Variants in SLIRP observed in about 807,000 individuals in gnomAD.
The protein encoded by SLIRP is SRA stem-loop interacting RNA binding protein.
A neutral mutation model predicts 13.4 loss-of-function variants in SLIRP; 12 were observed. That is an observed-to-expected ratio of 0.89 (90% CI 0.57 to 1.45). SLIRP has a LOEUF of 1.45. Ranked by LOEUF, SLIRP falls within the 40% of genes most tolerant of loss-of-function variation. SLIRP has a pLI of 0.00. For missense variants in SLIRP, 154 were observed against 132.2 expected, an observed-to-expected ratio of 1.17 and a Z score of -0.81; for synonymous variants, 55 against 47.1, an observed-to-expected ratio of 1.17 and a Z score of -0.69.
At chr14:77,716,930 T>G (rs776629827) in intron 3 of SLIRP, among the ~76,000 whole-genome samples, 8 of 151,794 alleles carry the variant, frequency 5.3e-5, no homozygotes, top group Non-Finnish European at 8.8e-5. Flanking sequence ...CACTGCTAAT[T>G]TTTTTTGTAT....
Position 77,715,852 on chromosome 14 carries a change from G to A in SLIRP, c.237G>A (p.Gln79=). The A allele has an allele frequency of 2.5e-6, 4 of 1,613,856 alleles. No individual in the cohort carries two copies. The highest frequency in any genetic ancestry group is 2.2e-5 in the East Asian group (1 of 44,860). Residue 79 remains glutamine (Q), a synonymous_variant, in exon 3 of 4, where the codon CAG becomes CAA. Coordinates refer to ENST00000557342, the MANE Select transcript of SLIRP (RefSeq NM_031210.6). The stretch of plus-strand genomic sequence containing the variant: ...AAGGACTTCGGAATGCACTACAACA[G>A]GAAAATCATATTATAGATGGAGTAA... ...SEEGLRNALQ[Q]ENHIIDGVKV...
At chr14:77,714,347 C>T (rs1378731663) in intron 2 of SLIRP, among the ~76,000 whole-genome samples, 1 of 152,228 alleles carries the variant, frequency 6.6e-6, no homozygotes, top group Admixed American at 6.5e-5. Context: ...GTCGCCCAGG[C>T]TGGAGTGCAG....
intron 2 of SLIRP, among the ~76,000 whole-genome samples, chr14:77,714,403 T>C (rs944323242): frequency 2.0e-5 from 3 of 152,176 alleles, no homozygotes; most frequent in African/African-American, 4.8e-5. Flanking sequence ...TGGGTTCAAG[T>C]GATCCCCCTT....
At position 77,715,881 on chromosome 14, in the gene SLIRP, TAA is replaced by T; in HGVS notation, c.264+4_264+5del. The T allele has an allele frequency of 1.2e-6, 2 of 1,603,206 alleles. No individual in the cohort carries two copies. The highest frequency in any genetic ancestry group is 2.2e-5 in the South Asian group (2 of 90,664). ...AATCATATTATAGATGGAGTAAAGG[TAA>T]ATTTATTTCTATGCCAGATACATAC... On this transcript the variant is annotated splice_donor_region_variant and intron_variant, in intron 3 of 3. Transcript: ENST00000557342.
chr14:77,708,284 A>T, intron 1 of SLIRP, 76 bp downstream of exon 1: 1 of 1,456,508 alleles, frequency 6.9e-7, no homozygotes, highest in East Asian at 2.3e-5. Flanking sequence ...TTTGCAGGGT[A>T]CTTAAGTCAG....
chr14:77,708,999 A>G (rs921379983), intron 1 of SLIRP, among the ~76,000 whole-genome samples: 1 of 152,232 alleles, frequency 6.6e-6, no homozygotes. Flanking sequence ...AATGGAGTCA[A>G]TAATACCCAA....
At chr14:77,710,768 T>C in intron 1 of SLIRP, 70 bp from the exon 2 acceptor site, 1 of 1,599,408 alleles carries the variant, frequency 6.3e-7, no homozygotes, top group Non-Finnish European at 8.6e-7. Flanking sequence ...GGTGACCCTG[T>C]CTTTCTACAG....
chr14:77,712,601 C>T (rs994863857), intron 2 of SLIRP, among the ~76,000 whole-genome samples: 2 of 152,154 alleles, frequency 1.3e-5, no homozygotes, highest in Non-Finnish European at 2.9e-5. Context: ...CCCGCCACTA[C>T]GCCCGGCTAA....
intron 3 of SLIRP, 36 bp from the exon 4 acceptor site, chr14:77,717,459 AT>A (rs755886108): frequency 6.3e-7 from 1 of 1,578,274 alleles, no homozygotes; most frequent in Non-Finnish European, 8.7e-7. Flanking sequence ...TTTTGCAGAC[AT>A]TGCCTTTCCT....
At chr14:77,714,772 G>GT (rs1034500156) in intron 2 of SLIRP, among the ~76,000 whole-genome samples, 2 of 152,190 alleles carry the variant, frequency 1.3e-5, no homozygotes, top group African/African-American at 4.8e-5. Context: ...AGGAGCAATT[G>GT]TAAGATTTTG....
Position 77,717,485 on chromosome 14 carries a change from A to T in SLIRP, c.265-11A>T. 6.2e-7 allele frequency: 1 copy of T among 1,611,496 alleles called. No homozygotes were observed. The highest frequency in any genetic ancestry group is 8.5e-7 in the Non-Finnish European group (1 of 1,179,188). ...TTGCCTTTCCTCCCTTACAGTGCTTATTTTTTTAAGGTCCAGGTTCACACT... is the reference window on the plus strand; with the variant it reads ...TTGCCTTTCCTCCCTTACAGTGCTTTTTTTTTTAAGGTCCAGGTTCACACT... On this transcript the variant is annotated splice_polypyrimidine_tract_variant and intron_variant, in intron 3 of 3. Coordinates refer to ENST00000557342, the MANE Select transcript of SLIRP (RefSeq NM_031210.6).
intron 1 of SLIRP, among the ~76,000 whole-genome samples, chr14:77,708,958 C>T (rs2080418380): frequency 6.6e-6 from 1 of 152,156 alleles, no homozygotes; most frequent in African/African-American, 2.4e-5. Flanking sequence ...GAAAAGGGCT[C>T]ACAACTGGGC....
intron 2 of SLIRP, 137 bp downstream of exon 2, chr14:77,711,033 G>A (rs2080436295): frequency 3.9e-6 from 3 of 769,292 alleles, no homozygotes; most frequent in Admixed American, 4.9e-5. Flanking sequence ...ATAACTCAGA[G>A]TGTAATTGGA....
intron 3 of SLIRP, among the ~76,000 whole-genome samples, chr14:77,716,706 G>A (rs2080485519): frequency 6.7e-6 from 1 of 149,844 alleles, no homozygotes; most frequent in South Asian, 2.1e-4. Flanking sequence ...GTCCAGGAAA[G>A]TACAAGATGA....
At position 77,717,536 on chromosome 14, in the gene SLIRP, C is replaced by A. The variant is rs2080496827; in HGVS notation, c.305C>A (p.Ser102Tyr). The part of the protein sequence containing the change: ...HTRRPKLPQT[S>Y]DDEKKDF ...AGAAGGCCAAAACTTCCGCAAACATCTGATGATGAAAAGAAAGATTTTTGA... is the reference window on the plus strand; with the variant it reads ...AGAAGGCCAAAACTTCCGCAAACATATGATGATGAAAAGAAAGATTTTTGA... The change falls in exon 4 of 4, where the codon TCT (serine) becomes TAT (tyrosine). Residue 102 changes from serine (S) to tyrosine (Y), a missense_variant. Coordinates refer to ENST00000557342, the MANE Select transcript of SLIRP (RefSeq NM_031210.6). 6.2e-7 allele frequency: 1 copy of A among 1,613,892 alleles called. No individual in the cohort carries two copies. Among genetic ancestry groups the A allele is most frequent in the South Asian group, 1.1e-5 (1 of 91,088 alleles).
At chr14:77,710,699 G>A in intron 1 of SLIRP, 139 bp from the exon 2 acceptor site, 1 of 1,566,104 alleles carries the variant, frequency 6.4e-7, no homozygotes, top group South Asian at 1.1e-5. Context: ...TACCATAGCT[G>A]CTTCCTAAAT....
intron 2 of SLIRP, 26 bp downstream of exon 2, chr14:77,710,922 G>A (rs2080435363): frequency 6.2e-7 from 1 of 1,611,326 alleles, no homozygotes; most frequent in African/African-American, 1.3e-5. Flanking sequence ...AAGTAGGTGG[G>A]AGGTGGGGAT....
intron 2 of SLIRP, 22 bp downstream of exon 2, chr14:77,710,918 G>A (rs748923841): frequency 2.3e-5 from 37 of 1,611,994 alleles, no homozygotes; most frequent in Non-Finnish European, 3.1e-5. Context: ...GGAAAAGTAG[G>A]TGGGAGGTGG....
chr14:77,714,279 T>A (rs995847345), intron 2 of SLIRP, among the ~76,000 whole-genome samples: 2 of 152,242 alleles, frequency 1.3e-5, no homozygotes, highest in African/African-American at 4.8e-5. Flanking sequence ...GTGCTGTGAT[T>A]ACAGGCATGA....
Sources: gnomAD v4.1 joint callset for allele counts (sites outside exome capture counted in the v4.1 genomes callset) on GRCh38, gnomAD v4.1.1 for gene constraint, MANE v1.5 for transcripts, NCBI Gene and HGNC (gene_info 2026-07-23, HGNC 2026-07-21) for gene names.